Variants in GRID2 observed in about 807,000 individuals in gnomAD.
The protein encoded by GRID2 is glutamate ionotropic receptor delta type subunit 2, also known as glutamate receptor ionotropic, delta-2.
GRID2 carries 33 observed loss-of-function variants against 114.8 expected under a neutral mutation model. The ratio of observed to expected loss-of-function variants is 0.29; its 90% confidence interval spans 0.22 to 0.38. The LOEUF (loss-of-function observed/expected upper bound fraction) is 0.38. Ranked by LOEUF, GRID2 falls within the 10% of genes least tolerant of loss-of-function variation. The pLI, the probability that GRID2 is intolerant of heterozygous loss-of-function variation, is 1.00. For synonymous variants in GRID2, 505 were observed against 449.9 expected, an observed-to-expected ratio of 1.12 and a Z score of -1.55; for missense variants, 1,184 against 1,257.7, an observed-to-expected ratio of 0.94 and a Z score of 0.89.
intron 14 of GRID2, among the ~76,000 whole-genome samples, chr4:93,646,246 A>T (rs1722101070): frequency 6.6e-6 from 1 of 152,152 alleles, no homozygotes; most frequent in African/African-American, 2.4e-5. Flanking sequence ...ACAGAGAATA[A>T]AGGTAGATCA....
intron 2 of GRID2, chr4:92,838,837 T>C (rs1001514792): frequency 6.6e-6 from 1 of 151,984 alleles, no homozygotes; most frequent in African/African-American, 2.4e-5. Context: ...ATTTTCTTTA[T>C]CCTTTTAGGA....
intron 6 of GRID2, among the ~76,000 whole-genome samples, chr4:93,223,490 G>A (rs13110787): frequency 6.6e-6 from 1 of 151,956 alleles, no homozygotes; most frequent in African/African-American, 2.4e-5. Flanking sequence ...CCAAAGCTTA[G>A]TACCATCCTG....
chr4:92,708,857 C>T (rs1274402858), intron 2 of GRID2, among the ~76,000 whole-genome samples: 1 of 152,108 alleles, frequency 6.6e-6, no homozygotes, highest in Non-Finnish European at 1.5e-5. Context: ...GCGGAGGTTG[C>T]AGTGAGCTGA....
At chr4:92,695,937 T>C (rs963118729) in intron 2 of GRID2, among the ~76,000 whole-genome samples, 2 of 152,218 alleles carry the variant, frequency 1.3e-5, no homozygotes, top group Non-Finnish European at 2.9e-5. Context: ...ATTTATTTTT[T>C]ATTTGAAATC....
At chr4:93,596,873 G>A (rs1739161664) in intron 13 of GRID2, among the ~76,000 whole-genome samples, 1 of 152,188 alleles carries the variant, frequency 6.6e-6, no homozygotes, top group Non-Finnish European at 1.5e-5. Flanking sequence ...ATTTAATACG[G>A]ATCTGGTTTA....
intron 2 of GRID2, among the ~76,000 whole-genome samples, chr4:92,749,901 G>T (rs1737360350): frequency 6.6e-6 from 1 of 151,962 alleles, no homozygotes; most frequent in Admixed American, 6.6e-5. Context: ...CGCTCTTGTT[G>T]CCCAGGCTGG....
At chr4:93,291,480 C>T (rs1753753277) in intron 8 of GRID2, among the ~76,000 whole-genome samples, 1 of 152,120 alleles carries the variant, frequency 6.6e-6, no homozygotes, top group South Asian at 2.1e-4. Flanking sequence ...ATAGTAAACA[C>T]TATATATTAA....
intron 8 of GRID2, among the ~76,000 whole-genome samples, chr4:93,375,319 T>C (rs1289075862): frequency 6.6e-6 from 1 of 151,610 alleles, no homozygotes; most frequent in Non-Finnish European, 1.5e-5. Flanking sequence ...TTCAAGTGAT[T>C]CTCCTGCCTC....
chr4:93,551,249 T>C (rs544344872), intron 13 of GRID2, among the ~76,000 whole-genome samples: 2 of 152,256 alleles, frequency 1.3e-5, no homozygotes, highest in Non-Finnish European at 2.9e-5. Context: ...TAAGTACTGT[T>C]TAAAAATAAA....
chr4:92,884,935 C>CCA, intron 2 of GRID2: 1 of 261,550 alleles, frequency 3.8e-6, no homozygotes, highest in South Asian at 3.7e-5. Context: ...TTGGTCTCCC[C>CCA]AAAAAAAAAA....
Position 93,788,684 on chromosome 4 carries a change from C to T in GRID2, c.222-18031C>T, listed in dbSNP as rs550228333. ...TAACCAAATTATATGATCTAAAGGA[C>T]GTTCAAGGGTAATTAATCTAAGGGT... is the stretch of plus-strand genomic sequence containing the variant. On this transcript the variant is annotated intron_variant, in intron 1 of 1. Coordinates refer to the GRID2 transcript ENST00000637838. Among the ~76,000 whole-genome samples, 8 of 152,220 alleles carry T rather than the reference C, an allele frequency of 5.3e-5. No homozygotes were observed. The East Asian group carries it at 5.8e-4, about 11-fold the overall frequency.
chr4:92,656,916 G>A (rs1467839932), intron 2 of GRID2, among the ~76,000 whole-genome samples: 1 of 151,610 alleles, frequency 6.6e-6, no homozygotes, highest in Non-Finnish European at 1.5e-5. Flanking sequence ...GTCAAAATAT[G>A]TTCTGAAGCA....
chr4:93,078,389 T>C (rs1414881932), intron 2 of GRID2, among the ~76,000 whole-genome samples: 2 of 152,054 alleles, frequency 1.3e-5, no homozygotes, highest in Non-Finnish European at 2.9e-5. Context: ...AACATTCATA[T>C]GAATATCTTC....
rs74288592 is a variant in GRID2 at position 92,341,112 on chromosome 4, C to T, written c.88+36368C>T. On this transcript the variant is annotated intron_variant, in intron 1 of 15. Coordinates refer to ENST00000282020, the MANE Select transcript of GRID2 (RefSeq NM_001510.4). Reference sequence around the variant, plus strand: ...TGTATACTATACAGTATATGGTATACAGTAGATAGTATATATAAAAGCGCA... The same window carrying T: ...TGTATACTATACAGTATATGGTATATAGTAGATAGTATATATAAAAGCGCA... Among the ~76,000 whole-genome samples, 10 of 152,088 alleles carry T rather than the reference C, an allele frequency of 6.6e-5. No individual in the cohort carries two copies. The East Asian group carries it at 1.9e-3, about 29-fold the overall frequency.
Position 92,772,619 on chromosome 4 carries a change from C to T in GRID2, c.244+182333C>T, listed in dbSNP as rs192311071. 4.6e-5 allele frequency among the ~76,000 whole-genome samples: 7 copies of T among 152,280 alleles called. No individual in the cohort carries two copies. The East Asian group carries it at 1.4e-3, about 29-fold the overall frequency. On this transcript the variant is annotated intron_variant, in intron 2 of 15. Transcript: ENST00000282020. ...TTTTAGTAATGACAAAACTGAGTCACTATGAATAATTACATATCATAGCTC... is the reference window on the plus strand; with the variant it reads ...TTTTAGTAATGACAAAACTGAGTCATTATGAATAATTACATATCATAGCTC...
intron 2 of GRID2, among the ~76,000 whole-genome samples, chr4:93,064,441 T>C (rs1363740583): frequency 6.6e-6 from 1 of 151,902 alleles, no homozygotes. Flanking sequence ...CAGCATTTAC[T>C]AGCTCCTTGC....
At chr4:93,351,491 T>C (rs1760802919) in intron 8 of GRID2, among the ~76,000 whole-genome samples, 1 of 152,084 alleles carries the variant, frequency 6.6e-6, no homozygotes, top group African/African-American at 2.4e-5. Flanking sequence ...CATTTACATT[T>C]ACAATTAGAA....
chr4:93,673,258 A>G (rs1724583378), intron 14 of GRID2, among the ~76,000 whole-genome samples: 1 of 152,222 alleles, frequency 6.6e-6, no homozygotes, highest in South Asian at 2.1e-4. Flanking sequence ...CTAAATCAGG[A>G]AGCACTTTAT....
At chr4:93,298,037 G>A (rs1413630801) in intron 8 of GRID2, among the ~76,000 whole-genome samples, 5 of 152,020 alleles carry the variant, frequency 3.3e-5, no homozygotes, top group Non-Finnish European at 7.4e-5. Flanking sequence ...ACCTTCTTGG[G>A]TTTACCACAT....
Sources: allele counts gnomAD v4.1 joint callset (sites outside exome capture counted in the v4.1 genomes callset), GRCh38; gene constraint gnomAD v4.1.1; transcripts MANE v1.5; gene names NCBI Gene and HGNC (gene_info 2026-07-23, HGNC 2026-07-21).